The following MEI4 variants were observed in gnomAD, a reference collection of about 807,000 sequenced individuals.
MEI4 encodes the protein meiotic double-stranded break formation protein 4.
In MEI4, 27 loss-of-function variants were observed where a neutral mutation model predicts 31.4. The observed-to-expected ratio is 0.86, with a 90% CI of 0.63 to 1.19. The LOEUF is 1.19. MEI4 is among the 50% of genes most tolerant of loss of function. MEI4 has a pLI of 0.00. For missense variants in MEI4, 329 were observed against 398.9 expected, an observed-to-expected ratio of 0.82 and a Z score of 1.49; for synonymous variants, 122 against 145.4, an observed-to-expected ratio of 0.84 and a Z score of 1.16.
intron 4 of MEI4, among the ~76,000 whole-genome samples, chr6:77,914,833 CT>C (rs918077064): frequency 5.3e-5 from 8 of 151,730 alleles, no homozygotes; most frequent in Admixed American, 2.6e-4. Context: ...ATTGACTTCA[CT>C]TTTTTTTGAC....
intron 3 of MEI4, among the ~76,000 whole-genome samples, chr6:77,816,979 TC>T: frequency 6.6e-6 from 1 of 152,230 alleles, no homozygotes; most frequent in East Asian, 1.9e-4. Context: ...AAGCTGTAAT[TC>T]TGCCTGCATT....
chr6:77,735,437 G>C (rs1311698858), intron 2 of MEI4, among the ~76,000 whole-genome samples: 1 of 151,920 alleles, frequency 6.6e-6, no homozygotes, highest in Non-Finnish European at 1.5e-5. Flanking sequence ...GGCTCCTGAG[G>C]CTTCTGCATT....
At chr6:77,657,125 A>C (rs2504278) in intron 1 of MEI4, among the ~76,000 whole-genome samples, 12 of 152,196 alleles carry the variant, frequency 7.9e-5, no homozygotes, top group East Asian at 5.8e-4. Flanking sequence ...TTCAAAAATA[A>C]GGCTACTGCA....
At chr6:77,844,488 C>G (rs928732707) in intron 4 of MEI4, among the ~76,000 whole-genome samples, 1 of 152,124 alleles carries the variant, frequency 6.6e-6, no homozygotes, top group African/African-American at 2.4e-5. Flanking sequence ...AGCAATCTCT[C>G]AGTGAACTGC....
At chr6:77,737,257 G>A (rs1212345839) in intron 2 of MEI4, among the ~76,000 whole-genome samples, 2 of 152,248 alleles carry the variant, frequency 1.3e-5, no homozygotes, top group Non-Finnish European at 1.5e-5. Flanking sequence ...TATTTAGACA[G>A]AGTAATTAGG....
intron 3 of MEI4, among the ~76,000 whole-genome samples, chr6:77,780,158 GA>G (rs2127690319): frequency 6.6e-6 from 1 of 152,286 alleles, no homozygotes; most frequent in East Asian, 1.9e-4. Flanking sequence ...AATCTTTTTG[GA>G]AGGCTGGGAG....
intron 4 of MEI4, among the ~76,000 whole-genome samples, chr6:77,861,018 C>T (rs555018467): frequency 1.3e-5 from 2 of 152,326 alleles, no homozygotes; most frequent in Non-Finnish European, 2.9e-5. Context: ...ATCACCTTCT[C>T]AGAGAGGATT....
At chr6:77,894,492 TTCATG>T (rs1181782078) in intron 4 of MEI4, among the ~76,000 whole-genome samples, 2 of 152,294 alleles carry the variant, frequency 1.3e-5, no homozygotes, top group Non-Finnish European at 2.9e-5. Flanking sequence ...CACTAAGTCT[TTCATG>T]TCATGTTCTG....
intron 2 of MEI4, among the ~76,000 whole-genome samples, chr6:77,748,934 C>A (rs1052508651): frequency 5.3e-5 from 8 of 152,166 alleles, no homozygotes; most frequent in African/African-American, 1.9e-4. Flanking sequence ...GAACAGGCAG[C>A]AATCTTTGCT....
chr6:77,918,994 AAAGC>A (rs1357494204), intron 4 of MEI4, among the ~76,000 whole-genome samples: 1 of 151,670 alleles, frequency 6.6e-6, no homozygotes, highest in Non-Finnish European at 1.5e-5. Context: ...GTTGAATTAT[AAAGC>A]AAGTCCTGAG....
At chr6:77,921,474 C>T (rs1394068014) in intron 4 of MEI4, among the ~76,000 whole-genome samples, 1 of 151,782 alleles carries the variant, frequency 6.6e-6, no homozygotes, top group Non-Finnish European at 1.5e-5. Context: ...CGGGCTGTTT[C>T]CCCTTCTTAT....
chr6:77,918,589 G>A (rs1442120679), intron 4 of MEI4, among the ~76,000 whole-genome samples: 2 of 151,002 alleles, frequency 1.3e-5, no homozygotes, highest in Non-Finnish European at 2.9e-5. Flanking sequence ...TGGTGTATAA[G>A]AATGCTTGTG....
At chr6:77,853,147 G>A (rs567531863) in intron 4 of MEI4, among the ~76,000 whole-genome samples, 8 of 152,138 alleles carry the variant, frequency 5.3e-5, no homozygotes, top group African/African-American at 1.2e-4. Flanking sequence ...GCAGTGAGCC[G>A]AGATTGCCCT....
chr6:77,760,081 C>T (rs542634495), intron 2 of MEI4, among the ~76,000 whole-genome samples: 34 of 151,842 alleles, frequency 2.2e-4, no homozygotes, highest in Non-Finnish European at 2.6e-4. Flanking sequence ...AAAGAGTGAC[C>T]GAGAGTAATT....
intron 4 of MEI4, among the ~76,000 whole-genome samples, chr6:77,831,402 A>G (rs1770076389): frequency 6.6e-6 from 1 of 151,830 alleles, no homozygotes; most frequent in South Asian, 2.1e-4. Flanking sequence ...ACTGCTGGCT[A>G]TGTATCCAAA....
chr6:77,677,220 T>A (rs1186537668), intron 1 of MEI4, among the ~76,000 whole-genome samples: 1 of 152,186 alleles, frequency 6.6e-6, no homozygotes, highest in East Asian at 1.9e-4. Flanking sequence ...TAAATTTGGA[T>A]TTTTTGCCTC....
intron 3 of MEI4, among the ~76,000 whole-genome samples, chr6:77,784,844 C>T (rs1416509774): frequency 6.6e-6 from 1 of 152,070 alleles, no homozygotes; most frequent in African/African-American, 2.4e-5. Context: ...CCATCTGAGT[C>T]CTGTTCACTT....
intron 4 of MEI4, among the ~76,000 whole-genome samples, chr6:77,868,551 T>C (rs1771117110): frequency 8.9e-6 from 1 of 112,598 alleles, no homozygotes; most frequent in Admixed American, 1.0e-4. Context: ...TAAAATCTCT[T>C]AGAGAAGTGT....
chr6:77,904,401 T>G (rs1766248110), intron 4 of MEI4, among the ~76,000 whole-genome samples: 1 of 152,116 alleles, frequency 6.6e-6, no homozygotes, highest in Admixed American at 6.6e-5. Context: ...CAGAATATTT[T>G]TTCACATAGG....
Sources: gnomAD v4.1 joint callset for allele counts (sites outside exome capture counted in the v4.1 genomes callset) on GRCh38, gnomAD v4.1.1 for gene constraint, MANE v1.5 for transcripts, NCBI Gene and HGNC (gene_info 2026-07-23, HGNC 2026-07-21) for gene names.